Variants in PCCA observed in about 807,000 individuals in gnomAD.
PCCA encodes the protein propionyl-CoA carboxylase alpha chain, mitochondrial.
In PCCA, 74 loss-of-function variants were observed where a neutral mutation model predicts 101.3. The ratio of observed to expected loss-of-function variants is 0.73; its 90% confidence interval spans 0.61 to 0.89. The LOEUF (loss-of-function observed/expected upper bound fraction) is 0.89. Ranked by LOEUF, PCCA falls within the 40% of genes least tolerant of loss-of-function variation. PCCA has a pLI of 0.00. For synonymous variants in PCCA, 294 were observed against 313.6 expected (o/e 0.94, Z 0.66); for missense variants, 891 against 907.0 (o/e 0.98, Z 0.23).
intron 19 of PCCA, among the ~76,000 whole-genome samples, chr13:100,374,938 A>G (rs1168615690): frequency 6.6e-6 from 1 of 152,020 alleles, no homozygotes; most frequent in East Asian, 1.9e-4. Context: ...TTGCTTCTCT[A>G]GTTCTTTTAA....
intron 6 of PCCA, among the ~76,000 whole-genome samples, chr13:100,184,780 AT>A (rs541502395): frequency 6.6e-6 from 1 of 152,122 alleles, no homozygotes; most frequent in Non-Finnish European, 1.5e-5. Context: ...TCTGCTTTTG[AT>A]TTTTTTCAAC....
At chr13:100,189,580 G>T (rs904525130) in intron 6 of PCCA, among the ~76,000 whole-genome samples, 2 of 152,174 alleles carry the variant, frequency 1.3e-5, no homozygotes, top group African/African-American at 4.8e-5. Context: ...TTGCTGTACA[G>T]AAGCTTTTTA....
chr13:100,470,974 C>T (rs1022143731), intron 21 of PCCA, among the ~76,000 whole-genome samples: 2 of 152,214 alleles, frequency 1.3e-5, no homozygotes, highest in Non-Finnish European at 2.9e-5. Flanking sequence ...TTTTCCTTTG[C>T]ATTTACAACT....
rs193231975 is a variant in PCCA, at chr13:100,279,098, G to A, written c.1065+5752G>A. On this transcript the variant is annotated intron_variant, in intron 12 of 23. Transcript: ENST00000376285. ...GTGAGAAAATATTTCACTAATACCT[G>A]CGCTTAGCAAACGTCCCAAGGTCTC... Among the ~76,000 whole-genome samples, 3 of 152,186 alleles carry A rather than the reference G, an allele frequency of 2.0e-5. No homozygotes were observed. In the East Asian group the frequency reaches 5.8e-4, roughly 29 times the overall value.
In PCCA at chr13:100,262,748, T is replaced by TC. The variant is rs1312402189; in HGVS notation, c.737dup (p.Gln247SerfsTer6). The stretch of plus-strand genomic sequence containing the variant: ...TCACAGGGATGGTTTTAGATTGTCA[T>TC]CTCAAGAAGCTGCTTCTAGTTTTGG... On this transcript the variant is annotated frameshift_variant, in exon 10 of 24. Transcript: ENST00000376285. LOFTEE classifies it high-confidence loss of function. 6.4e-7 allele frequency: 1 copy of TC among 1,570,582 alleles called. No homozygotes were observed. Among genetic ancestry groups the TC allele is most frequent in the Non-Finnish European group, 8.7e-7 (1 of 1,145,384 alleles).
intron 19 of PCCA, among the ~76,000 whole-genome samples, chr13:100,401,864 T>C (rs1164563702): frequency 1.3e-5 from 2 of 152,236 alleles, no homozygotes; most frequent in Non-Finnish European, 2.9e-5. Flanking sequence ...TCTAACAACT[T>C]GAATAGATAA....
chr13:100,411,369 G>T (rs150104894), intron 19 of PCCA, among the ~76,000 whole-genome samples: 68 of 152,150 alleles, frequency 4.5e-4, no homozygotes, highest in African/African-American at 1.6e-3. Context: ...GGGATTGCAG[G>T]TGTCCAAGCC....
chr13:100,528,265 TAA>T (rs1331405504), intron 23 of PCCA, among the ~76,000 whole-genome samples: 5 of 152,214 alleles, frequency 3.3e-5, no homozygotes, highest in African/African-American at 1.2e-4. Context: ...TAGTGAAACT[TAA>T]GTGTATTTTT....
intron 6 of PCCA, among the ~76,000 whole-genome samples, chr13:100,193,856 G>A (rs1413394141): frequency 6.6e-6 from 1 of 152,172 alleles, no homozygotes; most frequent in South Asian, 2.1e-4. Flanking sequence ...AAGGCAGGCA[G>A]ATCATGAGGT....
chr13:100,352,596 G>A (rs565983412), intron 18 of PCCA, among the ~76,000 whole-genome samples: 1 of 151,862 alleles, frequency 6.6e-6, no homozygotes, highest in Non-Finnish European at 1.5e-5. Context: ...GTCTTGCTAT[G>A]TTACCCAGGC....
Position 100,214,433 on chromosome 13 carries a change from G to T in PCCA, c.600+4970G>T, listed in dbSNP as rs79832329. 7.8e-3 allele frequency among the ~76,000 whole-genome samples: 1,116 copies of T among 143,758 alleles called. 17 individuals are homozygous for T. The highest frequency in any genetic ancestry group is 0.025 in the African/African-American group (1,003 of 39,426). 94.3% of individuals were successfully genotyped at this position (143,758 alleles called of 152,430 possible). On this transcript the variant is annotated intron_variant, in intron 7 of 23. Transcript: ENST00000376285. Reference sequence around the variant, plus strand: ...TGTTTTTTTGTGTGTGTGTGTGTGTGTTTTTTTTTTTAGATGGAACCTCGC... The same window carrying T: ...TGTTTTTTTGTGTGTGTGTGTGTGTTTTTTTTTTTTTAGATGGAACCTCGC...
intron 19 of PCCA, among the ~76,000 whole-genome samples, chr13:100,412,520 ATT>A (rs1195922796): frequency 6.6e-6 from 1 of 152,160 alleles, no homozygotes; most frequent in Non-Finnish European, 1.5e-5. Context: ...CCATTTTTCT[ATT>A]TCTTATTAGG....
chr13:100,184,562 A>G (rs1156518031), intron 6 of PCCA, among the ~76,000 whole-genome samples: 1 of 152,190 alleles, frequency 6.6e-6, no homozygotes, highest in African/African-American at 2.4e-5. Context: ...TTTTCTGTAA[A>G]GGGCCAGATA....
At chr13:100,422,071 T>TTCTTTCCTTCCTTCC in intron 19 of PCCA, among the ~76,000 whole-genome samples, 1 of 2,948 alleles carries the variant, frequency 3.4e-4, no homozygotes, top group African/African-American at 4.5e-4. Context: ...TCTCTTTTCT[T>TTCTTTCCTTCCTTCC]TTCTTTCTTT....
intron 19 of PCCA, among the ~76,000 whole-genome samples, chr13:100,388,960 T>C (rs1251001613): frequency 1.3e-5 from 2 of 152,202 alleles, no homozygotes; most frequent in Non-Finnish European, 2.9e-5. Flanking sequence ...GCACCATGCA[T>C]TGATCATTTT....
chr13:100,484,528 A>T (rs1276861088), intron 21 of PCCA, among the ~76,000 whole-genome samples: 1 of 152,178 alleles, frequency 6.6e-6, no homozygotes, highest in African/African-American at 2.4e-5. Flanking sequence ...CACGTTCAGG[A>T]TCTCTGAGAT....
At chr13:100,284,172 G>C (rs1364219074) in intron 12 of PCCA, among the ~76,000 whole-genome samples, 3 of 152,228 alleles carry the variant, frequency 2.0e-5, no homozygotes. Flanking sequence ...CTGTAACCAG[G>C]TATTTCTCCC....
intron 17 of PCCA, among the ~76,000 whole-genome samples, chr13:100,336,362 C>T (rs2070452025): frequency 6.6e-6 from 1 of 152,140 alleles, no homozygotes; most frequent in Non-Finnish European, 1.5e-5. Flanking sequence ...AGACCTAAAA[C>T]CACTCGGGAA....
At chr13:100,235,683 GT>G (rs1261711449) in intron 7 of PCCA, among the ~76,000 whole-genome samples, 158 bp from the exon 8 acceptor site, 1 of 152,050 alleles carries the variant, frequency 6.6e-6, no homozygotes, top group Non-Finnish European at 1.5e-5. Flanking sequence ...TCCACTTATG[GT>G]ATTAATTTTA....
Sources: allele counts gnomAD v4.1 joint callset (sites outside exome capture counted in the v4.1 genomes callset), GRCh38; gene constraint gnomAD v4.1.1; transcripts MANE v1.5; gene names NCBI Gene and HGNC (gene_info 2026-07-23, HGNC 2026-07-21).